RARB: variants seen among roughly 807,000 people sequenced by gnomAD.
RARB encodes retinoic acid receptor beta.
Under a neutral mutation model 51.9 loss-of-function variants are expected in RARB, and 17 were observed. The ratio of observed to expected loss-of-function variants is 0.33; its 90% CI spans 0.22 to 0.49. The LOEUF is 0.49. RARB is among the 20% of genes least tolerant of loss of function. The pLI is 0.99. For synonymous variants in RARB, 215 were observed against 195.4 expected, an observed-to-expected ratio of 1.10 and a Z score of -0.84; for missense variants, 369 against 550.8, an observed-to-expected ratio of 0.67 and a Z score of 3.30.
At chr3:25,188,054 C>T (rs1701016858) in intron 5 of RARB, among the ~76,000 whole-genome samples, 1 of 151,914 alleles carries the variant, frequency 6.6e-6, no homozygotes, top group Non-Finnish European at 1.5e-5. Flanking sequence ...AAACAAGTTA[C>T]CGAATTAATA....
At chr3:25,080,035 T>G (rs1698962209) in intron 3 of RARB, among the ~76,000 whole-genome samples, 1 of 152,228 alleles carries the variant, frequency 6.6e-6, no homozygotes, top group African/African-American at 2.4e-5. Context: ...TCATCATGAT[T>G]TCCAAAATTT....
intron 5 of RARB, among the ~76,000 whole-genome samples, chr3:25,208,589 C>T (rs1331697400): frequency 1.3e-5 from 2 of 152,146 alleles, no homozygotes; most frequent in Admixed American, 6.5e-5. Context: ...CTGTTCCCTT[C>T]CGCTCTCTTT....
chr3:25,479,463 A>G lies in RARB; in HGVS notation c.306+18122A>G, dbSNP rs144653239. ...AAATTAGATTAAAACCCCAAAAGCT[A>G]TTTATTAATTTGTTCCTATTTAAAA... On this transcript the variant is annotated intron_variant, in intron 2 of 7. Transcript: ENST00000330688. Among the ~76,000 whole-genome samples the G allele has an allele frequency of 2.0e-3, 310 of 152,304 alleles. 1 individual carries two copies. The highest frequency in any genetic ancestry group is 6.8e-3 in the African/African-American group (281 of 41,564).
chr3:25,167,375 C>T (rs1021715209), intron 4 of RARB, among the ~76,000 whole-genome samples: 16 of 152,128 alleles, frequency 1.1e-4, no homozygotes, highest in African/African-American at 2.7e-4. Context: ...TAATCACTGA[C>T]AAGAAATGGC....
At chr3:25,311,112 G>A (rs976260864) in intron 5 of RARB, among the ~76,000 whole-genome samples, 1 of 152,198 alleles carries the variant, frequency 6.6e-6, no homozygotes, top group Non-Finnish European at 1.5e-5. Flanking sequence ...ATCAAGGAAG[G>A]CTTCATAGAG....
chr3:25,170,281 A>G (rs1206548620), intron 4 of RARB, among the ~76,000 whole-genome samples: 1 of 152,216 alleles, frequency 6.6e-6, no homozygotes, highest in Non-Finnish European at 1.5e-5. Context: ...TGTATGAACC[A>G]CAGTCTCAAA....
chr3:25,029,543 A>G (rs1697826000), intron 2 of RARB, among the ~76,000 whole-genome samples: 1 of 152,178 alleles, frequency 6.6e-6, no homozygotes, highest in African/African-American at 2.4e-5. Context: ...GCCTTTTCCT[A>G]GGTCTTCACT....
chr3:25,307,393 A>G (rs1284414528), intron 5 of RARB, among the ~76,000 whole-genome samples: 1 of 152,062 alleles, frequency 6.6e-6, no homozygotes, highest in African/African-American at 2.4e-5. Context: ...TCTCAAAAAA[A>G]AAAAAAAATT....
chr3:25,016,856 A>G (rs957421679), intron 2 of RARB, among the ~76,000 whole-genome samples: 1 of 152,096 alleles, frequency 6.6e-6, no homozygotes, highest in African/African-American at 2.4e-5. Context: ...AACACCGGTA[A>G]AAGCTAGCCA....
chr3:25,390,919 G>A (rs1706935015), intron 5 of RARB, among the ~76,000 whole-genome samples: 1 of 151,834 alleles, frequency 6.6e-6, no homozygotes, highest in South Asian at 2.1e-4. Context: ...AATTTCAATA[G>A]GTTTTGGGGG....
At chr3:24,978,118 A>G (rs1357808135) in intron 2 of RARB, among the ~76,000 whole-genome samples, 4 of 152,170 alleles carry the variant, frequency 2.6e-5, no homozygotes, top group African/African-American at 4.8e-5. Flanking sequence ...ATCATGGTGG[A>G]TAAACTTTTT....
intron 4 of RARB, among the ~76,000 whole-genome samples, chr3:25,157,114 T>C (rs1035058811): frequency 1.8e-4 from 27 of 152,310 alleles, no homozygotes; most frequent in African/African-American, 6.5e-4. Flanking sequence ...ACATCTGATA[T>C]AAATAAATGA....
At chr3:24,947,225 A>G (rs1354908729) in intron 2 of RARB, among the ~76,000 whole-genome samples, 2 of 152,202 alleles carry the variant, frequency 1.3e-5, no homozygotes, top group Non-Finnish European at 2.9e-5. Context: ...TTTATCTTCT[A>G]TGTCTTACTG....
At chr3:24,952,732 A>C (rs1037656756) in intron 2 of RARB, among the ~76,000 whole-genome samples, 1 of 151,374 alleles carries the variant, frequency 6.6e-6, no homozygotes, top group African/African-American at 2.4e-5. Flanking sequence ...ATCTCCTGTC[A>C]CCCTCTTTTT....
intron 3 of RARB, among the ~76,000 whole-genome samples, chr3:25,076,358 C>G (rs374481835): frequency 2.4e-4 from 37 of 152,108 alleles, no homozygotes; most frequent in African/African-American, 8.9e-4. Flanking sequence ...CCAGGTTGGT[C>G]TCGATCTCCT....
At chr3:25,060,937 A>G (rs935055955) in intron 3 of RARB, among the ~76,000 whole-genome samples, 1 of 151,938 alleles carries the variant, frequency 6.6e-6, no homozygotes, top group Non-Finnish European at 1.5e-5. Flanking sequence ...GTATTCACAC[A>G]GATGAAGCAT....
chr3:25,558,034 G>A (rs1038169745), intron 3 of RARB, among the ~76,000 whole-genome samples: 1 of 152,126 alleles, frequency 6.6e-6, no homozygotes, highest in Non-Finnish European at 1.5e-5. Context: ...ATTCCATATT[G>A]ACCCTCCAGT....
chr3:25,312,673 GT>G lies in RARB; in HGVS notation c.178+138105del, dbSNP rs369339489. On this transcript the variant is annotated intron_variant, in intron 5 of 11. Transcript: ENST00000383772. ...TTATGGCCCAAACAATAGTTACAAA[GT>G]TTTTTTCAATTTTTAACAACATTTA... Among the ~76,000 whole-genome samples the G allele has an allele frequency of 8.1e-3, 1,226 of 152,210 alleles. 13 individuals are homozygous for G. The highest frequency in any genetic ancestry group is 0.028 in the African/African-American group (1,163 of 41,520).
intron 2 of RARB, among the ~76,000 whole-genome samples, chr3:24,972,399 A>G (rs1384619014): frequency 6.6e-6 from 1 of 152,004 alleles, no homozygotes; most frequent in African/African-American, 2.4e-5. Flanking sequence ...ACTGATGGCC[A>G]CTTAGGTTGA....
Sources: gnomAD v4.1 joint callset for allele counts (sites outside exome capture counted in the v4.1 genomes callset) on GRCh38, gnomAD v4.1.1 for gene constraint, MANE v1.5 for transcripts, NCBI Gene and HGNC (gene_info 2026-07-23, HGNC 2026-07-21) for gene names.